The following RALGPS1 variants were observed in gnomAD, a reference collection of about 807,000 sequenced individuals.
RALGPS1 encodes Ral GEF with PH domain and SH3 binding motif 1.
A neutral mutation model predicts 78.8 loss-of-function variants in RALGPS1; 19 were observed. That is an observed-to-expected ratio of 0.24 (90% CI 0.17 to 0.35). RALGPS1 has a LOEUF of 0.35. Ranked by LOEUF, RALGPS1 falls within the 10% of genes least tolerant of loss-of-function variation. The probability of loss-of-function intolerance (pLI) is 1.00; values close to 1 mark genes in which losing one functional copy is unlikely to be tolerated. For missense variants in RALGPS1, 454 were observed against 688.3 expected (o/e 0.66, Z 3.81); for synonymous variants, 228 against 256.3 (o/e 0.89, Z 1.06).
intron 8 of RALGPS1, among the ~76,000 whole-genome samples, chr9:127,102,107 C>T (rs1339032650): frequency 6.6e-6 from 1 of 152,138 alleles, no homozygotes; most frequent in Non-Finnish European, 1.5e-5. Flanking sequence ...ATCAAGAGGT[C>T]TCTGCTGCCT....
At chr9:127,024,216 T>C (rs1158860540) in intron 4 of RALGPS1, among the ~76,000 whole-genome samples, 2 of 151,948 alleles carry the variant, frequency 1.3e-5, no homozygotes, top group African/African-American at 4.8e-5. Context: ...ATGTGTAATA[T>C]GTCATCTACT....
intron 3 of RALGPS1, among the ~76,000 whole-genome samples, chr9:126,969,449 A>G (rs1588714644): frequency 6.6e-6 from 1 of 152,202 alleles, no homozygotes; most frequent in Non-Finnish European, 1.5e-5. Context: ...AACATTTCAC[A>G]TGCTCAGTAG....
intron 7 of RALGPS1, among the ~76,000 whole-genome samples, chr9:127,057,945 G>A (rs569115009): frequency 6.6e-6 from 1 of 152,358 alleles, no homozygotes; most frequent in Admixed American, 6.5e-5. Flanking sequence ...GACAGAGAAT[G>A]ACTGAGTGTC....
chr9:126,966,753 CAA>C (rs1425641114), intron 3 of RALGPS1, among the ~76,000 whole-genome samples: 2 of 151,182 alleles, frequency 1.3e-5, no homozygotes, highest in African/African-American at 2.4e-5. Flanking sequence ...CAATGATAAA[CAA>C]TATTATTTGG....
intron 5 of RALGPS1, among the ~76,000 whole-genome samples, chr9:127,035,905 TA>T (rs1003018732): frequency 6.2e-4 from 90 of 146,092 alleles, no homozygotes; most frequent in East Asian, 5.3e-3. Context: ...AGTCTTTAAT[TA>T]AAAAAAAAAA....
chr9:126,932,395 A>G (rs953569074), intron 1 of RALGPS1, among the ~76,000 whole-genome samples: 11 of 152,180 alleles, frequency 7.2e-5, no homozygotes, highest in Non-Finnish European at 1.6e-4. Flanking sequence ...TATCGACCCA[A>G]CTTTGAGACA....
chr9:127,044,804 T>C (rs2047610770), intron 5 of RALGPS1, among the ~76,000 whole-genome samples: 1 of 152,150 alleles, frequency 6.6e-6, no homozygotes, highest in South Asian at 2.1e-4. Flanking sequence ...CTTAAGTGCA[T>C]ATTGCCAAGT....
intron 11 of RALGPS1, among the ~76,000 whole-genome samples, chr9:127,175,052 C>A (rs2059779859): frequency 6.6e-6 from 1 of 152,236 alleles, no homozygotes; most frequent in Non-Finnish European, 1.5e-5. Flanking sequence ...ATCAGAGCCC[C>A]AAGTTGGGAG....
chr9:127,151,754 T>C (rs2058435756), intron 8 of RALGPS1, among the ~76,000 whole-genome samples: 1 of 152,220 alleles, frequency 6.6e-6, no homozygotes, highest in Admixed American at 6.5e-5. Context: ...AGAATGTATC[T>C]AGGGATAGAT....
chr9:127,217,573 A>T (rs1390744017), intron 18 of RALGPS1: 1 of 386,384 alleles, frequency 2.6e-6, no homozygotes, highest in African/African-American at 2.2e-5. Context: ...AACAACAGCA[A>T]TAAAACACCT....
intron 1 of RALGPS1, among the ~76,000 whole-genome samples, chr9:126,946,161 G>C (rs1193594391): frequency 6.6e-6 from 1 of 152,066 alleles, no homozygotes; most frequent in East Asian, 1.9e-4. Context: ...CTCTGTCCGT[G>C]ATGGCCCAGG....
At chr9:127,017,043 A>G (rs1193899580) in intron 4 of RALGPS1, 3 of 152,244 alleles carry the variant, frequency 2.0e-5, no homozygotes, top group Non-Finnish European at 4.4e-5. Flanking sequence ...TCAAAGACTT[A>G]CTACAAAAAG....
intron 4 of RALGPS1, among the ~76,000 whole-genome samples, chr9:126,994,950 A>G (rs1178599873): frequency 6.6e-6 from 1 of 152,194 alleles, no homozygotes; most frequent in African/African-American, 2.4e-5. Flanking sequence ...AGTGAAGGAG[A>G]AATAAAACAC....
rs1488129996 is a variant in RALGPS1, at chr9:127,205,807, C to A, written c.1248-6324C>A. On this transcript the variant is annotated intron_variant, in intron 14 of 18. Coordinates refer to ENST00000259351, the MANE Select transcript of RALGPS1 (RefSeq NM_014636.3). The surrounding 1 kb of genome is among the most constrained non-coding windows in gnomAD (Gnocchi z 4.0). ...GTGATAGTTTCGCCCAGCCACTGAG[C>A]CTCACTTTCAGCCTCTCAGATCTGG... Among the ~76,000 whole-genome samples the A allele has an allele frequency of 2.0e-5, 3 of 152,214 alleles. No homozygotes were observed. Among genetic ancestry groups the A allele is most frequent in the Non-Finnish European group, 2.9e-5 (2 of 68,040 alleles).
intron 4 of RALGPS1, among the ~76,000 whole-genome samples, chr9:127,001,057 T>C (rs917719486): frequency 6.6e-6 from 1 of 151,330 alleles, no homozygotes; most frequent in Non-Finnish European, 1.5e-5. Context: ...GGTGGGTTGC[T>C]TGAGCCTAAC....
intron 4 of RALGPS1, among the ~76,000 whole-genome samples, chr9:126,986,033 G>A (rs1304315398): frequency 6.6e-6 from 1 of 152,242 alleles, no homozygotes; most frequent in African/African-American, 2.4e-5. Context: ...CGCAAAGCAA[G>A]GGTATTTCCT....
rs182353717 is a variant in RALGPS1, at chr9:127,133,059, G to A, written c.611-33010G>A. ...AAAGCACCTACTTCATAGAGTTCTC[G>A]TGACCATTGAGGACATGTACATGTT... On this transcript the variant is annotated intron_variant, in intron 8 of 18. Coordinates refer to ENST00000259351, the MANE Select transcript of RALGPS1 (RefSeq NM_014636.3). 4.6e-5 allele frequency among the ~76,000 whole-genome samples: 7 copies of A among 152,334 alleles called. No individual in the cohort carries two copies. In the East Asian group the frequency reaches 1.2e-3, roughly 25 times the overall value.
At chr9:127,130,806 T>C (rs2138192932) in intron 8 of RALGPS1, among the ~76,000 whole-genome samples, 1 of 152,320 alleles carries the variant, frequency 6.6e-6, no homozygotes, top group South Asian at 2.1e-4. Flanking sequence ...TGGGCCAGTG[T>C]TGACCTTTGG....
chr9:126,953,386 T>C (rs751681833), intron 1 of RALGPS1, among the ~76,000 whole-genome samples: 1 of 151,884 alleles, frequency 6.6e-6, no homozygotes, highest in African/African-American at 2.4e-5. Context: ...TGTGTGTGTG[T>C]GTGTGCGCGT....
Sources: gnomAD v4.1 joint callset for allele counts (sites outside exome capture counted in the v4.1 genomes callset) on GRCh38, gnomAD v4.1.1 for gene constraint, Gnocchi (gnomAD v3.1) non-coding constraint, MANE v1.5 for transcripts, NCBI Gene and HGNC (gene_info 2026-07-23, HGNC 2026-07-21) for gene names.